Variants in MRNIP observed in about 807,000 individuals in gnomAD.
MRNIP encodes the protein MRN complex interacting protein.
A neutral mutation model predicts 29.8 loss-of-function variants in MRNIP; 30 were observed. The observed-to-expected ratio is 1.01, with a 90% CI of 0.75 to 1.36. The LOEUF is 1.36. Among genes scored for constraint, MRNIP ranks in the 40% most tolerant of loss-of-function variants. MRNIP has a pLI of 0.00. For synonymous variants in MRNIP, 201 were observed against 164.1 expected (o/e 1.23, Z -1.72); for missense variants, 459 against 423.5 (o/e 1.08, Z -0.74).
At chr5:179,844,825 A>G (rs1759063660) in intron 3 of MRNIP, among the ~76,000 whole-genome samples, 1 of 152,256 alleles carries the variant, frequency 6.6e-6, no homozygotes, top group African/African-American at 2.4e-5. Context: ...TGATCTTGCT[A>G]AATTATTAGT....
chr5:179,851,790 A>G (rs1471224959), intron 2 of MRNIP, among the ~76,000 whole-genome samples: 2 of 152,094 alleles, frequency 1.3e-5, no homozygotes, highest in African/African-American at 2.4e-5. Flanking sequence ...CATCCTGGCT[A>G]ACATGGTGAA....
At position 179,844,678 on chromosome 5, in the gene MRNIP, G is replaced by A. The variant is rs114260673; in HGVS notation, c.216-451C>T. On this transcript the variant is annotated intron_variant, in intron 3 of 6. Transcript: ENST00000292586. The stretch of plus-strand genomic sequence containing the variant: ...TGGGCTCAAGTGATCTACCCACCTC[G>A]GCCTCCCAAAGTGCTGGGATTACAA... Among the ~76,000 whole-genome samples the A allele has an allele frequency of 4.6e-3, 692 of 152,042 alleles. 2 individuals are homozygous for A. The highest frequency in any genetic ancestry group is 7.7e-3 in the Non-Finnish European group (523 of 67,982).
intron 1 of MRNIP, among the ~76,000 whole-genome samples, chr5:179,853,790 AC>A (rs1759472698): frequency 1.3e-5 from 2 of 152,030 alleles, no homozygotes. Context: ...AAACAAACAA[AC>A]AAAAAACAAA....
chr5:179,843,752 C>A (rs12515005), intron 4 of MRNIP, among the ~76,000 whole-genome samples: 21,130 of 150,946 alleles, frequency 0.14, 3,658 homozygotes, highest in African/African-American at 0.42. Context: ...AGAAAAAAAA[C>A]AAAACAAAAC....
At chr5:179,839,559 G>A (rs974886618) in intron 6 of MRNIP, 2 of 152,274 alleles carry the variant, frequency 1.3e-5, no homozygotes, top group Non-Finnish European at 2.9e-5. Flanking sequence ...TCTAGGATTT[G>A]GAGATTCAAA....
chr5:179,852,078 CAAG>C, intron 2 of MRNIP, among the ~76,000 whole-genome samples: 1 of 151,794 alleles, frequency 6.6e-6, no homozygotes, highest in East Asian at 1.9e-4. Context: ...GTCAGGAGTT[CAAG>C]ACCAGCCTGG....
intron 4 of MRNIP, 28 bp downstream of exon 4, chr5:179,844,124 G>T: frequency 1.2e-6 from 2 of 1,601,428 alleles, no homozygotes; most frequent in South Asian, 2.2e-5. Flanking sequence ...CACAGAGCCA[G>T]CCTGGGGCAG....
intron 2 of MRNIP, among the ~76,000 whole-genome samples, chr5:179,848,362 T>C (rs1169757923): frequency 6.6e-6 from 1 of 151,944 alleles, no homozygotes; most frequent in Non-Finnish European, 1.5e-5. Flanking sequence ...TGCACATGAG[T>C]AAAAAGGTCA....
chr5:179,856,005 T>C (rs1291789103), intron 1 of MRNIP, among the ~76,000 whole-genome samples: 3 of 149,216 alleles, frequency 2.0e-5, no homozygotes, highest in African/African-American at 7.5e-5. Flanking sequence ...GCCTCCTGGA[T>C]TCAAGTGATT....
intron 3 of MRNIP, 171 bp downstream of exon 3, chr5:179,847,807 G>A: frequency 1.7e-6 from 1 of 582,928 alleles, no homozygotes. Flanking sequence ...AACATCCCCG[G>A]GGTCGGTTCT....
intron 2 of MRNIP, chr5:179,851,163 T>C (rs1236216792): frequency 2.2e-6 from 1 of 451,468 alleles, no homozygotes; most frequent in Non-Finnish European, 4.4e-6. Flanking sequence ...TTGAGGGGAG[T>C]AAGAAGGCTT....
intron 2 of MRNIP, chr5:179,851,486 G>C: frequency 2.2e-6 from 1 of 446,610 alleles, no homozygotes. Flanking sequence ...GGAGAAGCTG[G>C]GTGATGGGCA....
At chr5:179,852,900 C>T (rs80206134) in intron 2 of MRNIP, among the ~76,000 whole-genome samples, 3,690 of 152,298 alleles carry the variant, frequency 0.024, 154 homozygotes, top group African/African-American at 0.084. Flanking sequence ...CTGCCTGCCT[C>T]CACTTCCTGA....
chr5:179,844,005 AT>A (rs1561617512), intron 4 of MRNIP, 146 bp downstream of exon 4: 2 of 671,080 alleles, frequency 3.0e-6, no homozygotes, highest in Non-Finnish European at 2.6e-6. Flanking sequence ...AGGTTTATTT[AT>A]TTTTGTGTTC....
At chr5:179,842,106 C>T (rs201876222) in intron 4 of MRNIP, 42 bp from the exon 5 acceptor site, 3 of 1,603,590 alleles carry the variant, frequency 1.9e-6, no homozygotes, top group Non-Finnish European at 2.6e-6. Context: ...TACTGGAAAC[C>T]AGGCAGTTTT....
intron 2 of MRNIP, chr5:179,851,168 A>G (rs1759350815): frequency 2.2e-6 from 1 of 452,710 alleles, no homozygotes; most frequent in South Asian, 1.6e-5. Context: ...GGGAGTAAGA[A>G]GGCTTCCTCA....
intron 2 of MRNIP, among the ~76,000 whole-genome samples, chr5:179,849,725 G>A (rs934596332): frequency 6.6e-6 from 1 of 150,910 alleles, no homozygotes; most frequent in Non-Finnish European, 1.5e-5. Context: ...CATGGGTCCT[G>A]CTATGGCACA....
intron 1 of MRNIP, among the ~76,000 whole-genome samples, chr5:179,853,998 C>T (rs1667591450): frequency 6.6e-6 from 1 of 150,886 alleles, no homozygotes; most frequent in Admixed American, 6.6e-5. Context: ...AGGTGTGAGC[C>T]ACCATGCCTG....
chr5:179,853,948 G>A (rs1759480727), intron 1 of MRNIP, among the ~76,000 whole-genome samples: 1 of 151,756 alleles, frequency 6.6e-6, no homozygotes, highest in Non-Finnish European at 1.5e-5. Context: ...CTGACCTCAA[G>A]TGATCCACCT....
Sources: allele counts gnomAD v4.1 joint callset (sites outside exome capture counted in the v4.1 genomes callset), GRCh38; gene constraint gnomAD v4.1.1; transcripts MANE v1.5; gene names NCBI Gene and HGNC (gene_info 2026-07-23, HGNC 2026-07-21).